Variants in KCNIP4 observed in about 807,000 individuals in gnomAD.
KCNIP4 encodes Kv channel-interacting protein 4.
Under a neutral mutation model 34.0 loss-of-function variants are expected in KCNIP4, and 12 were observed. That is an observed-to-expected ratio of 0.35 (90% CI 0.23 to 0.57). The LOEUF (loss-of-function observed/expected upper bound fraction) is 0.57. Among genes scored for constraint, KCNIP4 ranks in the 20% least tolerant of loss-of-function variants. KCNIP4 has a pLI of 0.83. For missense variants in KCNIP4, 238 were observed against 311.7 expected, an observed-to-expected ratio of 0.76 and a Z score of 1.78; for synonymous variants, 124 against 102.2, an observed-to-expected ratio of 1.21 and a Z score of -1.29.
chr4:21,094,715 G>T (rs1331793825), intron 1 of KCNIP4, among the ~76,000 whole-genome samples: 1 of 152,124 alleles, frequency 6.6e-6, no homozygotes, highest in African/African-American at 2.4e-5. Flanking sequence ...GTCTTTTCTT[G>T]TATCACTTGC....
At chr4:20,883,032 C>G in intron 1 of KCNIP4, among the ~76,000 whole-genome samples, 1 of 125,278 alleles carries the variant, frequency 8.0e-6, no homozygotes, top group East Asian at 2.5e-4. Context: ...TTTTTTGGCC[C>G]TTAGATCAGG....
intron 1 of KCNIP4, among the ~76,000 whole-genome samples, chr4:21,565,600 A>G (rs1436922209): frequency 6.6e-6 from 1 of 152,136 alleles, no homozygotes; most frequent in Admixed American, 6.6e-5. Context: ...TTACATCCAC[A>G]TAGTACCATC....
chr4:20,993,499 T>A (rs959349824), intron 1 of KCNIP4, among the ~76,000 whole-genome samples: 1 of 152,094 alleles, frequency 6.6e-6, no homozygotes, highest in African/African-American at 2.4e-5. Context: ...TCCCAATGAA[T>A]CACTTTGACA....
At chr4:20,979,629 A>G (rs1735868517) in intron 1 of KCNIP4, among the ~76,000 whole-genome samples, 1 of 151,216 alleles carries the variant, frequency 6.6e-6, no homozygotes, top group African/African-American at 2.4e-5. Flanking sequence ...CCATCTCCTG[A>G]CCTCGTGATC....
At chr4:21,773,934 T>C (rs978130611) in intron 1 of KCNIP4, among the ~76,000 whole-genome samples, 1 of 152,098 alleles carries the variant, frequency 6.6e-6, no homozygotes, top group Non-Finnish European at 1.5e-5. Flanking sequence ...TTAGCCCATT[T>C]ACATTTATGG....
rs1560198616 is a variant in KCNIP4, at chr4:21,234,225, C to CATATATT, written c.62-351517_62-351516insAATATAT. On this transcript the variant is annotated intron_variant, in intron 1 of 8. Transcript: ENST00000382152. ...CATATATAACGTATATTATATATAA[C>CATATATT]ATATATAACATATATATAACATATA... is the stretch of plus-strand genomic sequence containing the variant. 3.3e-4 allele frequency among the ~76,000 whole-genome samples: 13 copies of CATATATT among 39,182 alleles called. 2 individuals carry two copies. Among genetic ancestry groups the CATATATT allele is most frequent in the South Asian group, 9.4e-4 (1 of 1,062 alleles). 25.7% of individuals were successfully genotyped at this position (39,182 alleles called of 152,430 possible). A position where few individuals can be genotyped will look rare whatever the true frequency, so the allele number is the denominator to read the frequency against.
chr4:21,907,510 A>C, intron 1 of KCNIP4, among the ~76,000 whole-genome samples: 1 of 152,180 alleles, frequency 6.6e-6, no homozygotes, highest in East Asian at 1.9e-4. Context: ...GAAGACAAGT[A>C]CTATTATGTA....
chr4:21,287,733 C>A (rs1763205641), intron 1 of KCNIP4, among the ~76,000 whole-genome samples: 1 of 152,144 alleles, frequency 6.6e-6, no homozygotes, highest in East Asian at 1.9e-4. Context: ...CTTGTGAGGA[C>A]TTCTGAAACC....
At chr4:20,845,760 C>A (rs997317239) in intron 3 of KCNIP4, among the ~76,000 whole-genome samples, 1 of 152,122 alleles carries the variant, frequency 6.6e-6, no homozygotes, top group African/African-American at 2.4e-5. Context: ...CTGCAAGTAG[C>A]CTCTAGGGGC....
At chr4:21,682,258 A>G (rs928958648) in intron 1 of KCNIP4, among the ~76,000 whole-genome samples, 2 of 152,150 alleles carry the variant, frequency 1.3e-5, no homozygotes, top group Admixed American at 1.3e-4. Context: ...GAACAGTACC[A>G]AGGGGATGGT....
chr4:20,734,522 G>T, intron 6 of KCNIP4, 106 bp downstream of exon 6: 9 of 550,838 alleles, frequency 1.6e-5, no homozygotes, highest in Non-Finnish European at 1.9e-5. Flanking sequence ...AAATATTTTG[G>T]AATTTCCTCA....
At chr4:21,193,403 T>C (rs888125982) in intron 1 of KCNIP4, among the ~76,000 whole-genome samples, 19 of 152,064 alleles carry the variant, frequency 1.2e-4, no homozygotes, top group Admixed American at 2.0e-4. Flanking sequence ...GCTGGCACAG[T>C]GTTTAAATAG....
At chr4:21,785,171 A>G (rs1339734057) in intron 1 of KCNIP4, among the ~76,000 whole-genome samples, 1 of 152,162 alleles carries the variant, frequency 6.6e-6, no homozygotes, top group Non-Finnish European at 1.5e-5. Context: ...TAGTAGCTTT[A>G]TGGACATATA....
At chr4:21,198,906 A>G (rs183241849) in intron 1 of KCNIP4, among the ~76,000 whole-genome samples, 2 of 151,614 alleles carry the variant, frequency 1.3e-5, no homozygotes, top group Non-Finnish European at 1.5e-5. Context: ...TCCTTTCTCT[A>G]TCTGAGGAGT....
chr4:21,740,238 A>G (rs914247346), intron 1 of KCNIP4, among the ~76,000 whole-genome samples: 1 of 152,124 alleles, frequency 6.6e-6, no homozygotes, highest in African/African-American at 2.4e-5. Flanking sequence ...TTCAATACTT[A>G]AATATTTATA....
chr4:21,123,298 A>G (rs896868717), intron 1 of KCNIP4, among the ~76,000 whole-genome samples: 1 of 152,196 alleles, frequency 6.6e-6, no homozygotes, highest in Non-Finnish European at 1.5e-5. Flanking sequence ...CTGTAATGTG[A>G]CAGGGACTGT....
chr4:21,832,625 A>G (rs563442511), intron 1 of KCNIP4, among the ~76,000 whole-genome samples: 3 of 149,980 alleles, frequency 2.0e-5, no homozygotes, highest in Admixed American at 2.0e-4. Flanking sequence ...GTTTTAGGGT[A>G]CATGTGCACA....
At chr4:21,656,384 T>A (rs372933649) in intron 1 of KCNIP4, 2 of 152,208 alleles carry the variant, frequency 1.3e-5, no homozygotes, top group East Asian at 3.8e-4. Flanking sequence ...TCAAATAAAG[T>A]TGCATTCTGA....
At chr4:21,836,949 GCT>G (rs1336683117) in intron 1 of KCNIP4, among the ~76,000 whole-genome samples, 1 of 136,654 alleles carries the variant, frequency 7.3e-6, no homozygotes, top group African/African-American at 2.9e-5. Flanking sequence ...ACAGAGTCTG[GCT>G]CTGTCGCCTA....
Sources: allele counts gnomAD v4.1 joint callset (sites outside exome capture counted in the v4.1 genomes callset), GRCh38; gene constraint gnomAD v4.1.1; transcripts MANE v1.5; gene names NCBI Gene and HGNC (gene_info 2026-07-23, HGNC 2026-07-21).